Variants in SVOP observed in about 807,000 individuals in gnomAD.
SVOP encodes the protein SV2 related protein, also known as synaptic vesicle 2-related protein.
SVOP carries 17 observed loss-of-function variants against 69.1 expected under a neutral mutation model. The observed-to-expected ratio is 0.25, with a 90% CI of 0.17 to 0.37. The LOEUF is 0.37. Among genes scored for constraint, SVOP ranks in the 10% least tolerant of loss-of-function variants. The pLI is 1.00. For missense variants in SVOP, 435 were observed against 597.5 expected (o/e 0.73, Z 2.84); for synonymous variants, 238 against 238.6 (o/e 1.00, Z 0.02).
chr12:109,018,547 T>G (rs1265203453), intron 1 of SVOP, among the ~76,000 whole-genome samples: 1 of 152,176 alleles, frequency 6.6e-6, no homozygotes, highest in Non-Finnish European at 1.5e-5. Flanking sequence ...CATATTGCTC[T>G]CGGGAAATCT....
At chr12:108,921,400 G>C (rs181927527) in intron 12 of SVOP, among the ~76,000 whole-genome samples, 2 of 152,290 alleles carry the variant, frequency 1.3e-5, no homozygotes, top group East Asian at 3.9e-4. Flanking sequence ...GGATGCAAGT[G>C]CAAGGCATCG....
At chr12:108,925,327 G>A (rs951952985) in intron 11 of SVOP, among the ~76,000 whole-genome samples, 1 of 150,780 alleles carries the variant, frequency 6.6e-6, no homozygotes, top group Admixed American at 6.6e-5. Context: ...ACCGTGCCGG[G>A]GGAGGTTCGG....
Position 108,956,162 on chromosome 12 carries a change from C to T in SVOP, c.578+4761G>A, listed in dbSNP as rs1329361604. ...AAAAATACAAAAAAAATTAGCTGGG[C>T]GTGGTGTCAGGCGCCTGTAGTCCCA... On this transcript the variant is annotated intron_variant, in intron 6 of 15. Transcript: ENST00000610966. Among the ~76,000 whole-genome samples, 13 of 151,846 alleles carry T rather than the reference C, an allele frequency of 8.6e-5. 1 individual carries two copies. The East Asian group carries it at 1.2e-3, about 14-fold the overall frequency.
intron 1 of SVOP, among the ~76,000 whole-genome samples, chr12:108,999,886 C>T (rs1478969729): frequency 6.6e-6 from 1 of 151,972 alleles, no homozygotes; most frequent in Non-Finnish European, 1.5e-5. Context: ...GACACCCTAA[C>T]ATCACAATTA....
chr12:108,933,390 A>T (rs1358705718), intron 11 of SVOP, among the ~76,000 whole-genome samples: 2 of 151,612 alleles, frequency 1.3e-5, no homozygotes, highest in Admixed American at 1.3e-4. Context: ...AATAATAATA[A>T]TAATAGGCCA....
At chr12:108,919,644 A>G (rs2039736582) in intron 13 of SVOP, 31 bp downstream of exon 13, 1 of 1,554,370 alleles carries the variant, frequency 6.4e-7, no homozygotes, top group Non-Finnish European at 8.7e-7. Flanking sequence ...ACCTGTGCTC[A>G]AACTCATACC....
intron 5 of SVOP, among the ~76,000 whole-genome samples, chr12:108,962,192 G>A (rs972360649): frequency 1.3e-5 from 2 of 152,072 alleles, no homozygotes; most frequent in Non-Finnish European, 2.9e-5. Context: ...TCAACCTCCC[G>A]GGCTCAAGTG....
At chr12:108,961,427 CTT>C (rs373090263) in intron 5 of SVOP, among the ~76,000 whole-genome samples, 95,908 of 133,032 alleles carry the variant, frequency 0.72, 34,042 homozygotes, top group East Asian at 0.93. Context: ...ACATTCAAGA[CTT>C]TTTTTTTTTT....
chr12:108,922,185 TC>T (rs1479086923), intron 12 of SVOP, among the ~76,000 whole-genome samples: 1 of 152,204 alleles, frequency 6.6e-6, no homozygotes. Context: ...GGATACTGTT[TC>T]CCTCTGGAGC....
At chr12:108,976,444 G>T (rs1397736805) in intron 4 of SVOP, among the ~76,000 whole-genome samples, 1 of 152,162 alleles carries the variant, frequency 6.6e-6, no homozygotes, top group African/African-American at 2.4e-5. Context: ...ACTAATCATA[G>T]CGCCTAGCTC....
At chr12:108,945,048 G>C in intron 7 of SVOP, 55 bp downstream of exon 7, 1 of 1,498,674 alleles carries the variant, frequency 6.7e-7, no homozygotes, top group Non-Finnish European at 9.0e-7. Context: ...AGACATCTGA[G>C]AACCTCCTGC....
chr12:108,938,893 G>C lies in SVOP; in HGVS notation c.831C>G (p.Thr277=). The C allele has an allele frequency of 6.2e-7, 1 of 1,614,014 alleles. No individual in the cohort carries two copies. Among genetic ancestry groups the C allele is most frequent in the Non-Finnish European group, 8.5e-7 (1 of 1,179,892 alleles). Residue 277 remains threonine (T), a synonymous_variant, in exon 9 of 16, where the codon ACC becomes ACG. Coordinates refer to ENST00000610966, the MANE Select transcript of SVOP (RefSeq NM_018711.5). The part of the protein sequence containing the change: ...LSGNQEKAIA[T]LKRIATENGA... ...CGTTTTCAGTTGCTATCCTCTTTAA[G>C]GTGGCGATTGCCTTTTCCTGGTTCC...
At chr12:108,928,342 C>T (rs564214425) in intron 11 of SVOP, among the ~76,000 whole-genome samples, 3 of 152,242 alleles carry the variant, frequency 2.0e-5, no homozygotes, top group African/African-American at 7.2e-5. Flanking sequence ...AGCGAAAATG[C>T]ACACCTTTGA....
intron 5 of SVOP, among the ~76,000 whole-genome samples, chr12:108,962,473 G>A (rs181189786): frequency 1.3e-4 from 20 of 152,246 alleles, no homozygotes; most frequent in African/African-American, 4.1e-4. Context: ...TTAAGAAGGC[G>A]TTATTCAGTG....
At chr12:108,970,853 C>T (rs1414944843) in intron 5 of SVOP, among the ~76,000 whole-genome samples, 1 of 150,248 alleles carries the variant, frequency 6.7e-6, no homozygotes, top group Admixed American at 6.6e-5. Flanking sequence ...TGTCTGTCTA[C>T]AAAAAATAAA....
rs1350042825 is a variant in SVOP at position 108,997,505 on chromosome 12, G to T, written c.36-13744C>A. ...GCCTCTGTAGGCTCCACCTCTGCGG[G>T]CAGGGCACAGACAAACAAAAAGACA... On this transcript the variant is annotated intron_variant, in intron 1 of 15. Coordinates refer to ENST00000610966, the MANE Select transcript of SVOP (RefSeq NM_018711.5). Among the ~76,000 whole-genome samples, 12 of 152,278 alleles carry T rather than the reference G, an allele frequency of 7.9e-5. No individual in the cohort carries two copies. The East Asian group carries it at 2.3e-3, about 29-fold the overall frequency.
chr12:108,931,286 A>C (rs997097453), intron 11 of SVOP, among the ~76,000 whole-genome samples: 9 of 152,208 alleles, frequency 5.9e-5, no homozygotes, highest in Non-Finnish European at 1.3e-4. Flanking sequence ...CCCCGAACAC[A>C]AGCAGGAACT....
Position 108,981,461 on chromosome 12 carries a change from T to C in SVOP, c.196+2140A>G, listed in dbSNP as rs904473725. On this transcript the variant is annotated intron_variant, in intron 2 of 15. Transcript: ENST00000610966. Reference sequence around the variant, plus strand: ...GAATCTGAGGCTTTTCAGGAATGCATAGAATGTTTTCATCCATCAGCAACA... The same window carrying C: ...GAATCTGAGGCTTTTCAGGAATGCACAGAATGTTTTCATCCATCAGCAACA... Among the ~76,000 whole-genome samples the C allele has an allele frequency of 6.6e-5, 10 of 152,300 alleles. No individual in the cohort carries two copies. In the East Asian group the frequency reaches 1.4e-3, roughly 21 times the overall value.
At chr12:109,004,123 G>GA (rs960018309) in intron 1 of SVOP, among the ~76,000 whole-genome samples, 4 of 151,400 alleles carry the variant, frequency 2.6e-5, no homozygotes, top group Non-Finnish European at 5.9e-5. Flanking sequence ...TTCCTGAGGG[G>GA]AAAAAAAAGT....
Sources: allele counts gnomAD v4.1 joint callset (sites outside exome capture counted in the v4.1 genomes callset), GRCh38; gene constraint gnomAD v4.1.1; transcripts MANE v1.5; gene names NCBI Gene and HGNC (gene_info 2026-07-23, HGNC 2026-07-21).